The following ATP9B variants were observed in gnomAD, a reference collection of about 807,000 sequenced individuals.
ATP9B encodes the protein ATPase phospholipid transporting 9B.
In ATP9B, 110 loss-of-function variants were observed where a neutral mutation model predicts 146.1. The ratio of observed to expected loss-of-function variants is 0.75; its 90% CI spans 0.65 to 0.88. The LOEUF is 0.88. Among genes scored for constraint, ATP9B ranks in the 40% least tolerant of loss-of-function variants. The pLI is 0.00. For synonymous variants in ATP9B, 604 were observed against 569.7 expected (o/e 1.06, Z -0.86); for missense variants, 1,499 against 1,496.4 (o/e 1.00, Z -0.03).
chr18:79,085,752 TG>T (rs1180487735), intron 1 of ATP9B: 2 of 152,246 alleles, frequency 1.3e-5, no homozygotes, highest in Admixed American at 1.3e-4. Context: ...GTGTGACTAT[TG>T]GCCCTGCCCA....
intron 12 of ATP9B, among the ~76,000 whole-genome samples, chr18:79,256,235 C>T (rs1285842631): frequency 8.4e-6 from 1 of 119,304 alleles, no homozygotes; most frequent in Non-Finnish European, 1.7e-5. Flanking sequence ...TTTTCCCATG[C>T]CATTTTGTGA....
chr18:79,195,714 C>T (rs540298276), intron 9 of ATP9B, among the ~76,000 whole-genome samples: 6 of 152,234 alleles, frequency 3.9e-5, no homozygotes, highest in South Asian at 4.1e-4. Context: ...GAACACTGAA[C>T]GTGAGCATCT....
At position 79,226,778 on chromosome 18, in the gene ATP9B, A is replaced by G. The variant is rs558277774; in HGVS notation, c.1107+12740A>G. 2.6e-4 allele frequency among the ~76,000 whole-genome samples: 40 copies of G among 152,258 alleles called. No homozygotes were observed. The South Asian group carries it at 5.8e-3, about 22-fold the overall frequency. ...GTGGACTTATCTTTAATAAAAATGG[A>G]AAGTTTGCAGTGCTCTACGGGATAA... On this transcript the variant is annotated intron_variant, in intron 11 of 29. Coordinates refer to ENST00000426216, the MANE Select transcript of ATP9B (RefSeq NM_198531.5).
At chr18:79,227,496 G>A (rs1405984103) in intron 11 of ATP9B, among the ~76,000 whole-genome samples, 1 of 152,042 alleles carries the variant, frequency 6.6e-6, no homozygotes, top group African/African-American at 2.4e-5. Context: ...AAGTATATAG[G>A]TGGATGGGTA....
At chr18:79,156,331 G>A (rs983899522) in intron 7 of ATP9B, among the ~76,000 whole-genome samples, 1 of 152,120 alleles carries the variant, frequency 6.6e-6, no homozygotes, top group Non-Finnish European at 1.5e-5. Context: ...CTGAACTCTG[G>A]CCAAAGAGGG....
intron 4 of ATP9B, among the ~76,000 whole-genome samples, chr18:79,121,336 T>C (rs2094185792): frequency 6.6e-6 from 1 of 152,252 alleles, no homozygotes; most frequent in Admixed American, 6.5e-5. Context: ...TACTGCTGTT[T>C]CCAGGATGAC....
At chr18:79,093,000 ATGAC>A (rs2074470042) in intron 1 of ATP9B, among the ~76,000 whole-genome samples, 2 of 152,180 alleles carry the variant, frequency 1.3e-5, no homozygotes, top group Admixed American at 6.5e-5. Flanking sequence ...TTTTATATGA[ATGAC>A]TGGTAGCACA....
At chr18:79,133,385 AC>A (rs1250163827) in intron 5 of ATP9B, among the ~76,000 whole-genome samples, 4 of 151,936 alleles carry the variant, frequency 2.6e-5, no homozygotes, top group African/African-American at 9.7e-5. Context: ...TTTTGCACCA[AC>A]CTGTATTTCT....
chr18:79,269,580 C>A (rs1336882521), intron 12 of ATP9B, among the ~76,000 whole-genome samples: 1 of 152,074 alleles, frequency 6.6e-6, no homozygotes, highest in Admixed American at 6.5e-5. Flanking sequence ...GTATTTTGGT[C>A]TTCTGGCTCT....
At chr18:79,151,138 C>G (rs72992358) in intron 6 of ATP9B, among the ~76,000 whole-genome samples, 10,252 of 152,218 alleles carry the variant, frequency 0.067, 413 homozygotes, top group Non-Finnish European at 0.095. Flanking sequence ...ATGGCCAAAA[C>G]AATTTTGAAA....
chr18:79,277,321 A>G (rs1363435046), intron 13 of ATP9B, 125 bp downstream of exon 13: 1 of 1,241,966 alleles, frequency 8.1e-7, no homozygotes, highest in East Asian at 2.5e-5. Context: ...AGATCATTGA[A>G]TCCATATTTA....
chr18:79,074,273 G>A (rs1371529708), intron 1 of ATP9B, among the ~76,000 whole-genome samples: 1 of 152,154 alleles, frequency 6.6e-6, no homozygotes, highest in Non-Finnish European at 1.5e-5. Flanking sequence ...GGATGAAGAG[G>A]CTTCTTTGGC....
At chr18:79,275,808 G>C (rs2096301970) in intron 12 of ATP9B, among the ~76,000 whole-genome samples, 2 of 152,366 alleles carry the variant, frequency 1.3e-5, no homozygotes, top group South Asian at 4.1e-4. Flanking sequence ...AATAGCGAAA[G>C]ATGGTGAGGT....
At position 79,150,549 on chromosome 18, in the gene ATP9B, C is replaced by T. The variant is rs150122763; in HGVS notation, c.727-3955C>T. On this transcript the variant is annotated intron_variant, in intron 6 of 29. Coordinates refer to ENST00000426216, the MANE Select transcript of ATP9B (RefSeq NM_198531.5). ...TGTTAGGAGAACACAGGGCTCCTTG[C>T]TCTTGTGGTGCCCCTAGTTTTGAGG... Among the ~76,000 whole-genome samples the T allele has an allele frequency of 3.7e-3, 568 of 152,218 alleles. 3 individuals carry two copies. Among genetic ancestry groups the T allele is most frequent in the South Asian group, 0.024 (117 of 4,806 alleles).
chr18:79,202,169 A>G (rs1350510066), intron 9 of ATP9B, among the ~76,000 whole-genome samples: 2 of 152,220 alleles, frequency 1.3e-5, no homozygotes, highest in African/African-American at 4.8e-5. Context: ...TGGCGCTGTG[A>G]TGGTGTCTGC....
intron 26 of ATP9B, among the ~76,000 whole-genome samples, chr18:79,369,864 C>T (rs1354067802): frequency 2.6e-5 from 4 of 152,134 alleles, no homozygotes; most frequent in East Asian, 3.9e-4. Flanking sequence ...TTTGGGAGGC[C>T]GAAGCAGACA....
intron 9 of ATP9B, among the ~76,000 whole-genome samples, chr18:79,200,725 G>GCAACTGTC (rs2095467352): frequency 6.6e-6 from 1 of 152,204 alleles, no homozygotes. Flanking sequence ...GGTGGAGGTG[G>GCAACTGTC]GGACTGTCGG....
At chr18:79,209,242 C>T (rs2095561980) in intron 10 of ATP9B, among the ~76,000 whole-genome samples, 1 of 152,236 alleles carries the variant, frequency 6.6e-6, no homozygotes, top group Non-Finnish European at 1.5e-5. Context: ...TGATACAGGA[C>T]TCAGAAGCTG....
Position 79,372,770 on chromosome 18 carries a change from G to T in ATP9B, c.3013-55G>T, listed in dbSNP as rs555280816. On this transcript the variant is annotated intron_variant, in intron 26 of 29. Transcript: ENST00000426216. ...GACCCATAGCTCACTCCTGGAAGGC[G>T]TGAGTCAAGCAGGTGGTTCTGCGCA... 4 of 1,188,276 alleles carry T rather than the reference G, an allele frequency of 3.4e-6. No homozygotes were observed. In the African/African-American group the frequency reaches 6.1e-5, roughly 18 times the overall value. 73.6% of individuals were successfully genotyped at this position (1,188,276 alleles called of 1,614,324 possible). A position where few individuals can be genotyped will look rare whatever the true frequency, so the allele number is the denominator to read the frequency against.
Sources: gnomAD v4.1 joint callset for allele counts (sites outside exome capture counted in the v4.1 genomes callset) on GRCh38, gnomAD v4.1.1 for gene constraint, MANE v1.5 for transcripts, NCBI Gene and HGNC (gene_info 2026-07-23, HGNC 2026-07-21) for gene names.